Variants in FRMPD4 observed in about 807,000 individuals in gnomAD.
The protein encoded by FRMPD4 is FERM and PDZ domain-containing protein 4.
In FRMPD4, 22 loss-of-function variants were observed where a neutral mutation model predicts 94.1. The observed-to-expected ratio is 0.23, with a 90% confidence interval of 0.17 to 0.33. FRMPD4 has a LOEUF of 0.33. Ranked by LOEUF, FRMPD4 falls within the 10% of genes least tolerant of loss-of-function variation. FRMPD4 has a pLI of 1.00. For synonymous variants in FRMPD4, 631 were observed against 548.6 expected, an observed-to-expected ratio of 1.15 and a Z score of -2.10; for missense variants, 1,111 against 1,339.9, an observed-to-expected ratio of 0.83 and a Z score of 2.67.
At chrX:12,232,008 A>G (rs1302280601) in intron 1 of FRMPD4, among the ~76,000 whole-genome samples, 1 of 111,483 alleles carries the variant, frequency 9.0e-6, no homozygotes, top group African/African-American at 3.3e-5. Flanking sequence ...AGTGAAAAGG[A>G]GGCTATTAAT....
chrX:12,498,771 C>A lies in FRMPD4; in HGVS notation c.133C>A (p.Arg45=). The change falls in exon 2 of 17, where the codon CGA becomes AGA. Residue 45 remains arginine (R), a synonymous_variant. Transcript: ENST00000675598. ...PPYGWEMTAN[R]DGRDYFINHM... ...CTATGGATGGGAGATGACGGCAAAC[C>A]GAGATGGGCGAGACTACTTCATCAA... 11 of 1,143,837 alleles carry A rather than the reference C, an allele frequency of 9.6e-6. No homozygotes were observed. Among genetic ancestry groups the A allele is most frequent in the Non-Finnish European group, 1.3e-5 (11 of 837,885 alleles). The allele number at this position is 1,143,837 out of a possible 1,213,427, so 94.3% of individuals were successfully genotyped here.
intron 3 of FRMPD4, among the ~76,000 whole-genome samples, chrX:12,034,232 C>T (rs759350735): frequency 3.6e-5 from 4 of 111,815 alleles, no homozygotes; most frequent in East Asian, 2.8e-4. Flanking sequence ...GTCCTGGAGA[C>T]GGGGTAAGAA....
chrX:12,710,748 A>G (rs967517636), intron 14 of FRMPD4, among the ~76,000 whole-genome samples: 9 of 110,695 alleles, frequency 8.1e-5, no homozygotes, highest in African/African-American at 2.3e-4. Flanking sequence ...TCTACTAAAA[A>G]TACAAAAATT....
At chrX:12,516,933 C>T (rs780870062) in intron 2 of FRMPD4, among the ~76,000 whole-genome samples, 1 of 100,377 alleles carries the variant, frequency 1.0e-5, no homozygotes, top group South Asian at 4.9e-4. Flanking sequence ...ATCTTGTCGA[C>T]CTGTCTTATT....
At position 12,245,052 on chromosome X, in the gene FRMPD4, G is replaced by C. The variant is rs142855278; in HGVS notation, c.41+106040G>C. ...GATTACGAGGGTAGAACACATGTTT[G>C]ATTTAACAGATTAGTAGTTGATTTG... On this transcript the variant is annotated intron_variant, in intron 1 of 16. Transcript: ENST00000675598. Among the ~76,000 whole-genome samples, 716 of 112,786 alleles carry C rather than the reference G, an allele frequency of 6.3e-3. 8 individuals carry two copies. The highest frequency in any genetic ancestry group is 0.022 in the African/African-American group (683 of 31,142).
chrX:12,623,203 AAAGGAAGGAAGG>A (rs1156582817), intron 4 of FRMPD4, among the ~76,000 whole-genome samples: 14 of 6,616 alleles, frequency 2.1e-3, no homozygotes, highest in African/African-American at 4.2e-3. Flanking sequence ...AGAAAGAAAG[AAAGGAAGGAAGG>A]AAGGAAGGAA....
chrX:11,921,810 C>T (rs73632661), intron 3 of FRMPD4, among the ~76,000 whole-genome samples: 1,321 of 112,238 alleles, frequency 0.012, 18 homozygotes, highest in African/African-American at 0.04. Context: ...GTTACCACAG[C>T]GTAACCTAAC....
chrX:12,406,911 C>A (rs183924402), intron 1 of FRMPD4, among the ~76,000 whole-genome samples: 2 of 112,093 alleles, frequency 1.8e-5, no homozygotes. Context: ...GTGGATTTCA[C>A]TGGGCTAAAA....
At chrX:12,554,676 A>T (rs7879172) in intron 2 of FRMPD4, among the ~76,000 whole-genome samples, 3,220 of 111,728 alleles carry the variant, frequency 0.029, 105 homozygotes, top group African/African-American at 0.098. Context: ...CAGTGGCACG[A>T]TCAATAACTC....
chrX:12,038,196 G>C (rs1345823257), intron 3 of FRMPD4, among the ~76,000 whole-genome samples: 1 of 111,933 alleles, frequency 8.9e-6, no homozygotes, highest in Non-Finnish European at 1.9e-5. Flanking sequence ...TTTAAGACAT[G>C]CTAAAGTCTT....
rs1488452729 is a variant in FRMPD4, at chrX:12,538,674, C to T, written c.158+39878C>T. ...GCAACATTTGCTGTTCTGCAGCCTCCGCTGATACCCAGGCAAACAGGGTCT... is the reference window on the plus strand; with the variant it reads ...GCAACATTTGCTGTTCTGCAGCCTCTGCTGATACCCAGGCAAACAGGGTCT... On this transcript the variant is annotated intron_variant, in intron 2 of 16. Coordinates refer to ENST00000675598, the MANE Select transcript of FRMPD4 (RefSeq NM_001368397.1). Among the ~76,000 whole-genome samples, 3 of 111,686 alleles carry T rather than the reference C, an allele frequency of 2.7e-5. No homozygotes were observed. In the Admixed American group the frequency reaches 2.8e-4, roughly 11 times the overall value.
At chrX:12,444,542 TC>T (rs2057174063) in intron 1 of FRMPD4, among the ~76,000 whole-genome samples, 1 of 112,219 alleles carries the variant, frequency 8.9e-6, no homozygotes, top group Non-Finnish European at 1.9e-5. Context: ...CCTCTCTTTC[TC>T]CACATCTTAG....
At chrX:11,927,774 A>T (rs2054097665) in intron 3 of FRMPD4, among the ~76,000 whole-genome samples, 1 of 112,338 alleles carries the variant, frequency 8.9e-6, no homozygotes, top group Non-Finnish European at 1.9e-5. Flanking sequence ...CCTAACTGTA[A>T]ATCCCAAAAG....
chrX:12,446,471 G>A (rs1179451237), intron 1 of FRMPD4, among the ~76,000 whole-genome samples: 1 of 111,914 alleles, frequency 8.9e-6, no homozygotes, highest in Non-Finnish European at 1.9e-5. Flanking sequence ...CCTCTAGTGG[G>A]AAGAAGATAA....
intron 1 of FRMPD4, among the ~76,000 whole-genome samples, chrX:12,288,958 A>G (rs956286334): frequency 8.9e-6 from 1 of 112,386 alleles, no homozygotes; most frequent in Admixed American, 9.4e-5. Flanking sequence ...GATTCAGCAC[A>G]GTGCTAGGAG....
At chrX:12,125,149 C>G (rs1316175292) in intron 3 of FRMPD4, among the ~76,000 whole-genome samples, 3 of 111,832 alleles carry the variant, frequency 2.7e-5, no homozygotes, top group African/African-American at 9.8e-5. Flanking sequence ...CCAATAATTC[C>G]ATACTGAGAG....
chrX:12,020,229 A>G (rs6640863), intron 3 of FRMPD4, among the ~76,000 whole-genome samples: 7,104 of 111,962 alleles, frequency 0.063, 255 homozygotes, highest in East Asian at 0.24. Context: ...ATCCCCCATA[A>G]CCTTCAGCAC....
chrX:12,597,851 CT>C (rs1242760989), intron 2 of FRMPD4, among the ~76,000 whole-genome samples: 2 of 112,058 alleles, frequency 1.8e-5, no homozygotes, highest in East Asian at 5.6e-4. Context: ...TAAAAGTTTA[CT>C]GTGAAAACTT....
At chrX:12,027,902 G>C (rs944300489) in intron 3 of FRMPD4, among the ~76,000 whole-genome samples, 8 of 112,283 alleles carry the variant, frequency 7.1e-5, no homozygotes, top group Non-Finnish European at 1.1e-4. Context: ...GTTCCTATAA[G>C]ATGGAAGAAG....
Sources: gnomAD v4.1 joint callset for allele counts (sites outside exome capture counted in the v4.1 genomes callset) on GRCh38, gnomAD v4.1.1 for gene constraint, MANE v1.5 for transcripts, NCBI Gene and HGNC (gene_info 2026-07-23, HGNC 2026-07-21) for gene names.